The following PELI1 variants were observed in gnomAD, a reference collection of about 807,000 sequenced individuals.
PELI1 encodes E3 ubiquitin-protein ligase pellino homolog 1.
Under a neutral mutation model 41.3 loss-of-function variants are expected in PELI1, and 15 were observed. That is an observed-to-expected ratio of 0.36 (90% CI 0.24 to 0.56). The LOEUF (loss-of-function observed/expected upper bound fraction) is 0.56, where lower values mean the gene tolerates loss of function less well. Ranked by LOEUF, PELI1 falls within the 20% of genes least tolerant of loss-of-function variation. The pLI is 0.82. For synonymous variants in PELI1, 178 were observed against 180.1 expected, an observed-to-expected ratio of 0.99 and a Z score of 0.09; for missense variants, 403 against 525.5, an observed-to-expected ratio of 0.77 and a Z score of 2.28.
chr2:64,103,679 T>C (rs1340675593), intron 3 of PELI1, among the ~76,000 whole-genome samples: 1 of 152,162 alleles, frequency 6.6e-6, no homozygotes. Flanking sequence ...CAAATCAAAC[T>C]GGATATAAAA....
intron 1 of PELI1, among the ~76,000 whole-genome samples, chr2:64,133,269 G>T (rs976950329): frequency 6.6e-6 from 1 of 152,018 alleles, no homozygotes; most frequent in Non-Finnish European, 1.5e-5. Flanking sequence ...TGCTATCCCT[G>T]ACTACAAAGA....
chr2:64,137,616 A>T (rs1331200756), intron 1 of PELI1, among the ~76,000 whole-genome samples: 1 of 152,172 alleles, frequency 6.6e-6, no homozygotes, highest in Non-Finnish European at 1.5e-5. Context: ...AACATTATTA[A>T]AATTCCTTTT....
At chr2:64,102,016 G>A (rs569741389) in intron 3 of PELI1, among the ~76,000 whole-genome samples, 3 of 151,962 alleles carry the variant, frequency 2.0e-5, no homozygotes, top group Middle Eastern at 3.4e-3. Flanking sequence ...TAGTAGAGAC[G>A]GGGTTTTGCC....
chr2:64,125,820 C>G (rs568611252), intron 1 of PELI1, among the ~76,000 whole-genome samples: 29 of 152,184 alleles, frequency 1.9e-4, no homozygotes, highest in Admixed American at 5.9e-4. Context: ...TTGAGCAACA[C>G]GACATCGTAA....
At chr2:64,111,652 A>T (rs1576082086) in intron 1 of PELI1, among the ~76,000 whole-genome samples, 1 of 152,222 alleles carries the variant, frequency 6.6e-6, no homozygotes, top group Non-Finnish European at 1.5e-5. Flanking sequence ...TTATTTAGAA[A>T]AATAAACTTA....
At chr2:64,111,140 C>A (rs1680795219) in intron 1 of PELI1, among the ~76,000 whole-genome samples, 1 of 152,028 alleles carries the variant, frequency 6.6e-6, no homozygotes, top group East Asian at 1.9e-4. Context: ...TACTAGCTAG[C>A]CCATAAAAGT....
rs537000200 is a variant in PELI1, at chr2:64,104,681, C to CTTTTT, written c.201+15_201+19dup. 2.5e-5 allele frequency: 37 copies of CTTTTT among 1,466,248 alleles called. No homozygotes were observed. Among genetic ancestry groups the CTTTTT allele is most frequent in the African/African-American group, 1.2e-4 (8 of 66,216 alleles). The allele number at this position is 1,466,248 out of a possible 1,614,324, so 90.8% of individuals were successfully genotyped here. ...AAATTCTCCAAGTTAATTTATGTAG[C>CTTTTT]TTTTTTTTTTTTTTTTTACCTTTGC... On this transcript the variant is annotated intron_variant, in intron 3 of 6. Coordinates refer to ENST00000358912, the MANE Select transcript of PELI1 (RefSeq NM_020651.4).
chr2:64,128,316 C>T (rs1681454018), intron 1 of PELI1, among the ~76,000 whole-genome samples: 1 of 152,024 alleles, frequency 6.6e-6, no homozygotes, highest in African/African-American at 2.4e-5. Context: ...TTAGAAATAA[C>T]ACTTTTACCC....
intron 4 of PELI1, among the ~76,000 whole-genome samples, chr2:64,099,964 C>G (rs1267989740): frequency 6.6e-6 from 1 of 152,126 alleles, no homozygotes; most frequent in Non-Finnish European, 1.5e-5. Flanking sequence ...TGTTTATTGT[C>G]TAGAGAGGAA....
chr2:64,115,653 T>C (rs1680966421), intron 1 of PELI1, among the ~76,000 whole-genome samples: 1 of 152,154 alleles, frequency 6.6e-6, no homozygotes, highest in South Asian at 2.1e-4. Flanking sequence ...TAAAGTACAA[T>C]CATTTGTCCC....
intron 1 of PELI1, among the ~76,000 whole-genome samples, chr2:64,117,553 G>T (rs1055889910): frequency 6.6e-6 from 1 of 151,966 alleles, no homozygotes; most frequent in Non-Finnish European, 1.5e-5. Context: ...TTTTAGTTTC[G>T]AAATTCCATT....
chr2:64,132,694 C>A (rs1681593984), intron 1 of PELI1, among the ~76,000 whole-genome samples: 2 of 152,056 alleles, frequency 1.3e-5, no homozygotes, highest in South Asian at 4.1e-4. Flanking sequence ...TCAAAAAGTA[C>A]AAATTTAATA....
intron 3 of PELI1, among the ~76,000 whole-genome samples, chr2:64,103,614 A>G (rs1016117368): frequency 9.9e-5 from 15 of 152,216 alleles, no homozygotes; most frequent in African/African-American, 3.4e-4. Flanking sequence ...TTCTGCACCA[A>G]CTGGCTCCCA....
At chr2:64,116,019 G>A (rs1558479900) in intron 1 of PELI1, among the ~76,000 whole-genome samples, 2 of 152,036 alleles carry the variant, frequency 1.3e-5, no homozygotes, top group Admixed American at 6.6e-5. Context: ...TAAAAATGAG[G>A]ACAGAAAGGA....
intron 6 of PELI1, among the ~76,000 whole-genome samples, 197 bp from the exon 7 acceptor site, chr2:64,095,465 C>A (rs1445448467): frequency 6.6e-6 from 1 of 152,120 alleles, no homozygotes; most frequent in Non-Finnish European, 1.5e-5. Context: ...TAACATATTT[C>A]TTTTTAGCCT....
chr2:64,134,468 C>T (rs971634498), intron 1 of PELI1, among the ~76,000 whole-genome samples: 3 of 152,062 alleles, frequency 2.0e-5, no homozygotes, highest in Non-Finnish European at 4.4e-5. Context: ...AACAGTAAAG[C>T]AGTAAGTATA....
chr2:64,119,564 T>C (rs1256636321), intron 1 of PELI1, among the ~76,000 whole-genome samples: 1 of 152,198 alleles, frequency 6.6e-6, no homozygotes, highest in African/African-American at 2.4e-5. Flanking sequence ...TTACGCAAAA[T>C]AGGTAAACAC....
Position 64,140,803 on chromosome 2 carries a change from AC to A in PELI1, c.-70+3277del, listed in dbSNP as rs373829115. On this transcript the variant is annotated intron_variant, in intron 1 of 6. Coordinates refer to ENST00000358912, the MANE Select transcript of PELI1 (RefSeq NM_020651.4). ...GACAACATGCAAAAAAAAAAAACAA[AC>A]AAACAAAAAAAAACCTAGGGGCAGA... Among the ~76,000 whole-genome samples, 454 of 126,566 alleles carry A rather than the reference AC, an allele frequency of 3.6e-3. 110 individuals carry two copies. The highest frequency in any genetic ancestry group is 0.01 in the African/African-American group (298 of 29,272). The allele number at this position is 126,566 out of a possible 152,430, so 83.0% of individuals were successfully genotyped here. A position where few individuals can be genotyped will look rare whatever the true frequency, so the allele number is the denominator to read the frequency against.
intron 4 of PELI1, among the ~76,000 whole-genome samples, chr2:64,099,781 A>G (rs1680362658): frequency 6.6e-6 from 1 of 152,200 alleles, no homozygotes. Context: ...TTCTATTTAC[A>G]TCTTTGGAAC....
Sources: allele counts gnomAD v4.1 joint callset (sites outside exome capture counted in the v4.1 genomes callset), GRCh38; gene constraint gnomAD v4.1.1; transcripts MANE v1.5; gene names NCBI Gene and HGNC (gene_info 2026-07-23, HGNC 2026-07-21).